Variants in CHSY3 observed in about 807,000 individuals in gnomAD.
The protein encoded by CHSY3 is N-acetylgalactosaminyl-proteoglycan 3-beta-glucuronosyltransferase 3.
CHSY3 carries 35 observed loss-of-function variants against 67.2 expected under a neutral mutation model. The observed-to-expected ratio is 0.52, with a 90% CI of 0.40 to 0.69. The LOEUF is 0.69. Among genes scored for constraint, CHSY3 ranks in the 30% least tolerant of loss-of-function variants. The pLI, the probability that CHSY3 is intolerant of heterozygous loss-of-function variation, is 0.00. For synonymous variants in CHSY3, 474 were observed against 434.7 expected, an observed-to-expected ratio of 1.09 and a Z score of -1.12; for missense variants, 1,069 against 1,138.5, an observed-to-expected ratio of 0.94 and a Z score of 0.88.
At chr5:130,163,805 C>T (rs1769639062) in intron 2 of CHSY3, among the ~76,000 whole-genome samples, 1 of 151,580 alleles carries the variant, frequency 6.6e-6, no homozygotes, top group Admixed American at 6.6e-5. Context: ...GAAAGTAAAG[C>T]ATTATAGTAA....
chr5:129,986,702 G>A (rs1763213884), intron 2 of CHSY3, among the ~76,000 whole-genome samples: 1 of 152,158 alleles, frequency 6.6e-6, no homozygotes, highest in South Asian at 2.1e-4. Flanking sequence ...GAGTACAGCG[G>A]CATGTTCTTG....
At chr5:129,922,150 G>C (rs1038615842) in intron 2 of CHSY3, among the ~76,000 whole-genome samples, 2 of 152,160 alleles carry the variant, frequency 1.3e-5, no homozygotes, top group Non-Finnish European at 2.9e-5. Flanking sequence ...CCGTGTTGTT[G>C]CAAATGACGG....
intron 2 of CHSY3, among the ~76,000 whole-genome samples, chr5:130,108,354 A>T (rs1161810339): frequency 1.3e-5 from 2 of 151,600 alleles, no homozygotes; most frequent in African/African-American, 2.4e-5. Flanking sequence ...ATATTTTTAT[A>T]TTATTGTATA....
At chr5:130,059,332 A>G (rs188678094) in intron 2 of CHSY3, among the ~76,000 whole-genome samples, 2 of 152,052 alleles carry the variant, frequency 1.3e-5, no homozygotes, top group Admixed American at 1.3e-4. Flanking sequence ...TCAGACCAGC[A>G]CTTAGAGTTG....
intron 2 of CHSY3, among the ~76,000 whole-genome samples, chr5:130,088,230 T>C (rs1163734326): frequency 6.6e-6 from 1 of 152,006 alleles, no homozygotes; most frequent in Non-Finnish European, 1.5e-5. Context: ...AGATGGATTA[T>C]AGACTTAAAC....
intron 2 of CHSY3, among the ~76,000 whole-genome samples, chr5:129,916,665 C>T (rs1760739402): frequency 6.6e-6 from 1 of 152,072 alleles, no homozygotes; most frequent in Admixed American, 6.5e-5. Context: ...TGAAAATGTT[C>T]TGCCTTAGAA....
In CHSY3 at chr5:130,045,652, C is replaced by T. The variant is rs577763048; in HGVS notation, c.1086+137292C>T. Among the ~76,000 whole-genome samples, 6 of 152,126 alleles carry T rather than the reference C, an allele frequency of 3.9e-5. No homozygotes were observed. The South Asian group carries it at 6.2e-4, about 16-fold the overall frequency. ...AGATTTGGTGCTCTCTATGGGAGTA[C>T]GTGGGGATGCCATTGCCCTGGAACT... is the stretch of plus-strand genomic sequence containing the variant. On this transcript the variant is annotated intron_variant, in intron 2 of 2. Transcript: ENST00000305031.
intron 2 of CHSY3, among the ~76,000 whole-genome samples, chr5:130,153,155 T>G (rs2149724835): frequency 6.6e-6 from 1 of 152,208 alleles, no homozygotes; most frequent in South Asian, 2.1e-4. Flanking sequence ...TGCTTGAGTC[T>G]GGAAGGCGGA....
At chr5:129,959,038 T>A (rs1762256751) in intron 2 of CHSY3, among the ~76,000 whole-genome samples, 1 of 152,144 alleles carries the variant, frequency 6.6e-6, no homozygotes, top group South Asian at 2.1e-4. Flanking sequence ...AATTTCAGCT[T>A]GAATCTTGCC....
Position 130,185,207 on chromosome 5 carries a change from A to C in CHSY3, c.2065A>C (p.Ile689Leu), listed in dbSNP as rs1335060191. ...GTACCCCAAAGCAGAAATGACCCTG[A>C]TCCCAATGAAGGGAGAGTTTTCCAG... Reference protein sequence around the residue: ...NKYPKAEMTLIPMKGEFSRGL... With the variant: ...NKYPKAEMTLLPMKGEFSRGL... Residue 689 changes from isoleucine (I) to leucine (L), a missense_variant, in exon 3 of 3, where the codon ATC (isoleucine) becomes CTC (leucine). Coordinates refer to ENST00000305031, the MANE Select transcript of CHSY3 (RefSeq NM_175856.5). The C allele has an allele frequency of 6.2e-7, 1 of 1,610,060 alleles. No individual in the cohort carries two copies. Among genetic ancestry groups the C allele is most frequent in the African/African-American group, 1.3e-5 (1 of 74,832 alleles).
At chr5:130,069,724 A>G (rs952724067) in intron 2 of CHSY3, among the ~76,000 whole-genome samples, 5 of 152,040 alleles carry the variant, frequency 3.3e-5, no homozygotes, top group African/African-American at 4.8e-5. Flanking sequence ...GAAACATAGC[A>G]TATTCCAGAC....
chr5:130,163,452 C>A (rs1205139849), intron 2 of CHSY3, among the ~76,000 whole-genome samples: 2 of 152,110 alleles, frequency 1.3e-5, no homozygotes, highest in Non-Finnish European at 2.9e-5. Context: ...CCATGGAATT[C>A]ACTCCCAACT....
intron 2 of CHSY3, among the ~76,000 whole-genome samples, chr5:129,991,918 C>T (rs1462547825): frequency 6.6e-6 from 1 of 152,152 alleles, no homozygotes; most frequent in Non-Finnish European, 1.5e-5. Flanking sequence ...CTAGGTTGCT[C>T]CACTGTGGTT....
intron 2 of CHSY3, among the ~76,000 whole-genome samples, chr5:129,989,754 A>G (rs1763306585): frequency 6.6e-6 from 1 of 152,212 alleles, no homozygotes; most frequent in Non-Finnish European, 1.5e-5. Context: ...TATTATTCAT[A>G]AAATGGTGAT....
intron 2 of CHSY3, among the ~76,000 whole-genome samples, chr5:129,997,670 C>T (rs148339220): frequency 1.3e-5 from 2 of 152,134 alleles, no homozygotes; most frequent in South Asian, 4.2e-4. Flanking sequence ...CTCCCACCCC[C>T]CAACAGGCCC....
At chr5:129,954,239 C>A (rs892231391) in intron 2 of CHSY3, among the ~76,000 whole-genome samples, 4 of 152,190 alleles carry the variant, frequency 2.6e-5, no homozygotes, top group Non-Finnish European at 5.9e-5. Flanking sequence ...AATTGGGAAT[C>A]CTTTCCCCAT....
At chr5:130,158,471 A>G (rs573568408) in intron 2 of CHSY3, among the ~76,000 whole-genome samples, 1 of 152,190 alleles carries the variant, frequency 6.6e-6, no homozygotes, top group Non-Finnish European at 1.5e-5. Flanking sequence ...TTCTTAGCCA[A>G]CAAGTGGTAC....
chr5:130,063,547 A>G (rs1314175183), intron 2 of CHSY3, among the ~76,000 whole-genome samples: 1 of 152,166 alleles, frequency 6.6e-6, no homozygotes, highest in Non-Finnish European at 1.5e-5. Context: ...TGTTGTCATT[A>G]AATAATTGAA....
chr5:130,019,137 T>G (rs1257189354), intron 2 of CHSY3, among the ~76,000 whole-genome samples: 1 of 117,864 alleles, frequency 8.5e-6, no homozygotes, highest in African/African-American at 2.8e-5. Context: ...AAAACAATTG[T>G]GTAGAAAAAA....
Sources: gnomAD v4.1 joint callset for allele counts (sites outside exome capture counted in the v4.1 genomes callset) on GRCh38, gnomAD v4.1.1 for gene constraint, MANE v1.5 for transcripts, NCBI Gene and HGNC (gene_info 2026-07-23, HGNC 2026-07-21) for gene names.